Variants in RABGAP1L observed in about 807,000 individuals in gnomAD.
RABGAP1L encodes the protein RAB GTPase activating protein 1 like, also known as rab GTPase-activating protein 1-like.
A neutral mutation model predicts 137.7 loss-of-function variants in RABGAP1L; 63 were observed. That is an observed-to-expected ratio of 0.46 (90% CI 0.37 to 0.56). The LOEUF (loss-of-function observed/expected upper bound fraction) is 0.56. RABGAP1L is among the 20% of genes least tolerant of loss of function. The pLI is 0.00. For synonymous variants in RABGAP1L, 431 were observed against 433.7 expected, an observed-to-expected ratio of 0.99 and a Z score of 0.08; for missense variants, 1,095 against 1,244.0, an observed-to-expected ratio of 0.88 and a Z score of 1.80.
At chr1:174,176,736 A>AAAAAAAAT (rs1558005577) in intron 1 of RABGAP1L, among the ~76,000 whole-genome samples, 1 of 82,740 alleles carries the variant, frequency 1.2e-5, no homozygotes, top group African/African-American at 4.9e-5. Context: ...AAAAAAAAAA[A>AAAAAAAAT]AAAAAAAAAA....
chr1:174,447,811 T>C (rs1345855031), intron 13 of RABGAP1L, among the ~76,000 whole-genome samples: 1 of 152,136 alleles, frequency 6.6e-6, no homozygotes, highest in Non-Finnish European at 1.5e-5. Flanking sequence ...AAAAAGTTCT[T>C]TGAGGGCACC....
rs532860564 is a variant in RABGAP1L, at chr1:174,931,990, G to GTTTT, written c.2341-25446_2341-25443dup. ...AAAATTTCTTTAGACTGCTTTTTTG[G>GTTTT]TTTTTTTTTTTTTTTTTTTTTTTTG... On this transcript the variant is annotated intron_variant, in intron 19 of 25. Coordinates refer to ENST00000681986, the MANE Select transcript of RABGAP1L (RefSeq NM_001366446.1). 2.2e-3 allele frequency among the ~76,000 whole-genome samples: 153 copies of GTTTT among 69,618 alleles called. 1 individual carries two copies. The highest frequency in any genetic ancestry group is 0.017 in the Middle Eastern group (1 of 60). 45.7% of individuals were successfully genotyped at this position (69,618 alleles called of 152,430 possible). A position where few individuals can be genotyped will look rare whatever the true frequency, so the allele number is the denominator to read the frequency against.
intron 17 of RABGAP1L, among the ~76,000 whole-genome samples, chr1:174,735,790 A>G (rs938631748): frequency 1.3e-5 from 2 of 152,098 alleles, no homozygotes; most frequent in Admixed American, 1.3e-4. Flanking sequence ...GGAGCAGCAT[A>G]TTATATGGCA....
At chr1:174,406,224 G>C (rs1186640668) in intron 13 of RABGAP1L, among the ~76,000 whole-genome samples, 1 of 151,980 alleles carries the variant, frequency 6.6e-6, no homozygotes. Flanking sequence ...AATTTGAGAA[G>C]TAACAGTTTT....
At chr1:174,312,036 C>T (rs999355986) in intron 11 of RABGAP1L, among the ~76,000 whole-genome samples, 2 of 152,192 alleles carry the variant, frequency 1.3e-5, no homozygotes, top group Non-Finnish European at 2.9e-5. Flanking sequence ...TGATTGTAAA[C>T]AGTGTTGCAA....
At chr1:174,303,661 A>G (rs1408082560) in intron 10 of RABGAP1L, among the ~76,000 whole-genome samples, 1 of 152,144 alleles carries the variant, frequency 6.6e-6, no homozygotes, top group African/African-American at 2.4e-5. Flanking sequence ...CAAGTAGTGT[A>G]TTTTAATAAA....
intron 11 of RABGAP1L, among the ~76,000 whole-genome samples, chr1:174,310,187 C>G (rs1354636530): frequency 6.6e-6 from 1 of 152,000 alleles, no homozygotes; most frequent in Non-Finnish European, 1.5e-5. Flanking sequence ...CTTTGTATTT[C>G]TGTTGTATCA....
intron 10 of RABGAP1L, among the ~76,000 whole-genome samples, chr1:174,300,014 A>T (rs1248379521): frequency 6.6e-6 from 1 of 152,248 alleles, no homozygotes; most frequent in Non-Finnish European, 1.5e-5. Flanking sequence ...TCTGTGGTTT[A>T]TGATAACTTA....
chr1:174,615,852 G>A (rs563303973), intron 13 of RABGAP1L, among the ~76,000 whole-genome samples: 31 of 152,358 alleles, frequency 2.0e-4, no homozygotes, highest in Non-Finnish European at 2.1e-4. Context: ...AGCAATCAGC[G>A]AGACTCCGTG....
At chr1:174,328,729 C>G (rs1369883296) in intron 11 of RABGAP1L, among the ~76,000 whole-genome samples, 6 of 152,110 alleles carry the variant, frequency 3.9e-5, no homozygotes, top group Non-Finnish European at 7.4e-5. Context: ...GAGATCATGC[C>G]ACTGCACTCC....
At chr1:174,429,360 C>T (rs958186816) in intron 13 of RABGAP1L, among the ~76,000 whole-genome samples, 3 of 152,080 alleles carry the variant, frequency 2.0e-5, no homozygotes, top group Non-Finnish European at 2.9e-5. Flanking sequence ...CCCTAACCAA[C>T]AAGCCCCTTT....
chr1:174,676,540 A>G (rs1348945414), intron 14 of RABGAP1L, among the ~76,000 whole-genome samples: 1 of 152,208 alleles, frequency 6.6e-6, no homozygotes, highest in East Asian at 1.9e-4. Flanking sequence ...TAACGTTTGG[A>G]GTTTCAACTT....
chr1:174,533,082 A>G (rs1328488790), intron 13 of RABGAP1L, among the ~76,000 whole-genome samples: 2 of 152,108 alleles, frequency 1.3e-5, no homozygotes, highest in African/African-American at 4.8e-5. Flanking sequence ...AAAATACAAA[A>G]AATTAGCCAG....
At chr1:174,610,176 G>GGTATAT (rs1213210486) in intron 13 of RABGAP1L, among the ~76,000 whole-genome samples, 1 of 150,020 alleles carries the variant, frequency 6.7e-6, no homozygotes. Flanking sequence ...TTTAGCATTA[G>GGTATAT]GTATATCTCC....
intron 19 of RABGAP1L, among the ~76,000 whole-genome samples, chr1:174,952,339 C>CAAAAA (rs59406597): frequency 1.9e-4 from 6 of 31,716 alleles, no homozygotes; most frequent in East Asian, 8.3e-4. Flanking sequence ...CTGGCTCTAC[C>CAAAAA]AAAAAAAAAA....
chr1:174,263,087 C>T (rs961172515), intron 7 of RABGAP1L, among the ~76,000 whole-genome samples: 23 of 152,182 alleles, frequency 1.5e-4, no homozygotes, highest in African/African-American at 5.6e-4. Context: ...TACAGCCTTC[C>T]TGACACAGAC....
chr1:174,939,547 CAAAAAAAA>C (rs780377420), intron 19 of RABGAP1L, among the ~76,000 whole-genome samples: 7 of 79,222 alleles, frequency 8.8e-5, no homozygotes, highest in African/African-American at 1.6e-4. Flanking sequence ...CTCTGTCTCA[CAAAAAAAA>C]AAAAAAAGAA....
chr1:174,273,910 G>A (rs2148665167), intron 8 of RABGAP1L, among the ~76,000 whole-genome samples: 2 of 152,206 alleles, frequency 1.3e-5, no homozygotes, highest in East Asian at 3.9e-4. Flanking sequence ...CAGAGAAGGG[G>A]CTTACTTGCA....
chr1:174,329,896 A>G (rs914392465), intron 11 of RABGAP1L, among the ~76,000 whole-genome samples: 1 of 150,504 alleles, frequency 6.6e-6, no homozygotes, highest in Non-Finnish European at 1.5e-5. Flanking sequence ...CATAATAATA[A>G]TTTTTTTTTA....
Sources: allele counts gnomAD v4.1 joint callset (sites outside exome capture counted in the v4.1 genomes callset), GRCh38; gene constraint gnomAD v4.1.1; transcripts MANE v1.5; gene names NCBI Gene and HGNC (gene_info 2026-07-23, HGNC 2026-07-21).